ROBO2: variants seen among roughly 807,000 people sequenced by gnomAD.
ROBO2 encodes roundabout homolog 2.
A neutral mutation model predicts 160.8 loss-of-function variants in ROBO2; 53 were observed. The ratio of observed to expected loss-of-function variants is 0.33; its 90% CI spans 0.26 to 0.41. ROBO2 has a LOEUF of 0.41. Ranked by LOEUF, ROBO2 falls within the 10% of genes least tolerant of loss-of-function variation. ROBO2 has a pLI of 1.00. For synonymous variants in ROBO2, 664 were observed against 611.7 expected, an observed-to-expected ratio of 1.09 and a Z score of -1.26; for missense variants, 1,577 against 1,722.4, an observed-to-expected ratio of 0.92 and a Z score of 1.49.
At chr3:76,300,877 G>A (rs1030291208) in intron 2 of ROBO2, among the ~76,000 whole-genome samples, 1 of 152,014 alleles carries the variant, frequency 6.6e-6, no homozygotes, top group Non-Finnish European at 1.5e-5. Context: ...TAATGCTACA[G>A]GACACAGGAC....
chr3:76,000,517 C>G (rs2065854088), intron 2 of ROBO2, among the ~76,000 whole-genome samples: 1 of 138,724 alleles, frequency 7.2e-6, no homozygotes, highest in Non-Finnish European at 1.5e-5. Context: ...TTGACGGACT[C>G]TCACTCTGTC....
intron 2 of ROBO2, among the ~76,000 whole-genome samples, chr3:76,755,508 T>C (rs982022623): frequency 1.3e-5 from 2 of 151,822 alleles, no homozygotes; most frequent in African/African-American, 2.4e-5. Context: ...AAAGCGTAAC[T>C]AAAACAGAGT....
chr3:77,340,371 G>A (rs531221226), intron 2 of ROBO2, among the ~76,000 whole-genome samples: 3 of 151,978 alleles, frequency 2.0e-5, no homozygotes, highest in Non-Finnish European at 4.4e-5. Flanking sequence ...TCCTAACATG[G>A]ATTTGAAAAT....
chr3:76,963,739 A>AG (rs1216669604), intron 2 of ROBO2, among the ~76,000 whole-genome samples: 2 of 151,898 alleles, frequency 1.3e-5, no homozygotes, highest in African/African-American at 4.8e-5. Flanking sequence ...TAAATCAAAA[A>AG]GACCTAAATT....
intron 2 of ROBO2, among the ~76,000 whole-genome samples, chr3:76,535,687 T>G (rs2082457833): frequency 6.6e-6 from 1 of 152,064 alleles, no homozygotes; most frequent in Non-Finnish European, 1.5e-5. Context: ...GTTGTCCAAG[T>G]TGACACCAGA....
intron 2 of ROBO2, among the ~76,000 whole-genome samples, chr3:76,241,842 T>C (rs1355302082): frequency 6.6e-6 from 1 of 152,220 alleles, no homozygotes; most frequent in Non-Finnish European, 1.5e-5. Flanking sequence ...ATTCCTTGTG[T>C]AATGTTTTAT....
intron 2 of ROBO2, among the ~76,000 whole-genome samples, chr3:76,668,558 G>A (rs558903617): frequency 3.3e-5 from 5 of 152,212 alleles, no homozygotes; most frequent in East Asian, 1.9e-4. Context: ...AAGCAAAACC[G>A]CTGTACAACT....
At chr3:77,347,083 T>C (rs1205272668) in intron 2 of ROBO2, among the ~76,000 whole-genome samples, 1 of 152,052 alleles carries the variant, frequency 6.6e-6, no homozygotes, top group East Asian at 1.9e-4. Flanking sequence ...AGTGTTGTTG[T>C]TTGATTAGAA....
chr3:77,372,133 G>A (rs2071846768), intron 2 of ROBO2, among the ~76,000 whole-genome samples: 1 of 152,032 alleles, frequency 6.6e-6, no homozygotes, highest in African/African-American at 2.4e-5. Flanking sequence ...TTAAAAAGGG[G>A]GAGAAAGGGA....
intron 2 of ROBO2, among the ~76,000 whole-genome samples, chr3:77,360,861 A>G (rs1202848608): frequency 1.3e-5 from 2 of 149,492 alleles, no homozygotes; most frequent in South Asian, 2.1e-4. Context: ...AGGTTTTCTT[A>G]GGGACTTGAG....
At chr3:77,486,209 G>T (rs760898220) in intron 4 of ROBO2, among the ~76,000 whole-genome samples, 1 of 109,148 alleles carries the variant, frequency 9.2e-6, no homozygotes, top group African/African-American at 3.0e-5. Context: ...CCATGTCTTT[G>T]CTATTGTGAA....
At chr3:77,580,549 T>G (rs1559657035) in intron 16 of ROBO2, among the ~76,000 whole-genome samples, 1 of 152,064 alleles carries the variant, frequency 6.6e-6, no homozygotes, top group Non-Finnish European at 1.5e-5. Context: ...AAATATACCA[T>G]CCCAAAGAAG....
At chr3:77,252,831 A>AAAAAAAAAAATATATATAT in intron 2 of ROBO2, among the ~76,000 whole-genome samples, 1 of 12,524 alleles carries the variant, frequency 8.0e-5, no homozygotes, top group African/African-American at 1.6e-4. Context: ...AAAAAAAAAA[A>AAAAAAAAAAATATATATAT]ATATATATAT....
chr3:76,851,775 G>A (rs1238524835), intron 2 of ROBO2, among the ~76,000 whole-genome samples: 1 of 114,940 alleles, frequency 8.7e-6, no homozygotes, highest in Non-Finnish European at 1.9e-5. Flanking sequence ...ATATTAACAT[G>A]TGCTTGAATA....
intron 2 of ROBO2, among the ~76,000 whole-genome samples, chr3:76,385,598 G>T (rs1346683687): frequency 6.6e-6 from 1 of 152,180 alleles, no homozygotes; most frequent in African/African-American, 2.4e-5. Context: ...TGCAAAAATA[G>T]AATTTGCATA....
chr3:77,220,625 T>G (rs977582028), intron 2 of ROBO2, among the ~76,000 whole-genome samples: 4 of 152,162 alleles, frequency 2.6e-5, no homozygotes, highest in African/African-American at 9.7e-5. Flanking sequence ...GATGATTAAA[T>G]GGACATTTTC....
chr3:77,127,498 A>G (rs2075450348), intron 2 of ROBO2, among the ~76,000 whole-genome samples: 1 of 152,230 alleles, frequency 6.6e-6, no homozygotes, highest in African/African-American at 2.4e-5. Flanking sequence ...CATTGACAAA[A>G]GTACTCTTTG....
intron 1 of ROBO2, among the ~76,000 whole-genome samples, chr3:75,933,558 A>G (rs1047386256): frequency 3.3e-5 from 5 of 151,992 alleles, no homozygotes; most frequent in African/African-American, 9.7e-5. Context: ...AACTGACACT[A>G]GAAGCTAACT....
At chr3:76,321,474 G>A (rs2072518909) in intron 2 of ROBO2, among the ~76,000 whole-genome samples, 1 of 149,212 alleles carries the variant, frequency 6.7e-6, no homozygotes, top group Non-Finnish European at 1.5e-5. Flanking sequence ...CTCCAGCCTG[G>A]CAACAGAGCG....
Sources: allele counts gnomAD v4.1 joint callset (sites outside exome capture counted in the v4.1 genomes callset), GRCh38; gene constraint gnomAD v4.1.1; transcripts MANE v1.5; gene names NCBI Gene and HGNC (gene_info 2026-07-23, HGNC 2026-07-21).